GLIS3: variants seen among roughly 807,000 people sequenced by gnomAD.
The protein encoded by GLIS3 is GLIS family zinc finger 3.
A neutral mutation model predicts 78.6 loss-of-function variants in GLIS3; 53 were observed. That is an observed-to-expected ratio of 0.67 (90% CI 0.54 to 0.85). The LOEUF is 0.85. Ranked by LOEUF, GLIS3 falls within the 40% of genes least tolerant of loss-of-function variation. The probability of loss-of-function intolerance (pLI) is 0.00; values close to 1 mark genes in which losing one functional copy is unlikely to be tolerated. For synonymous variants in GLIS3, 684 were observed against 509.9 expected (o/e 1.34, Z -4.60); for missense variants, 1,703 against 1,231.1 (o/e 1.38, Z -5.74).
At chr9:3,956,366 T>C (rs551749244) in intron 4 of GLIS3, among the ~76,000 whole-genome samples, 2 of 152,342 alleles carry the variant, frequency 1.3e-5, no homozygotes, top group East Asian at 1.9e-4. Context: ...TTTGAGACTA[T>C]AGATGGTATC....
At chr9:3,857,753 T>G (rs1819883424) in intron 8 of GLIS3, among the ~76,000 whole-genome samples, 1 of 152,224 alleles carries the variant, frequency 6.6e-6, no homozygotes, top group African/African-American at 2.4e-5. Context: ...TAACTGGTAT[T>G]ACCCTGAAAA....
the GLIS3 span, among the ~76,000 whole-genome samples, chr9:4,420,278 G>A: frequency 2.6e-4 from 39 of 152,288 alleles, no homozygotes; most frequent in African/African-American, 8.9e-4. Flanking sequence ...AATAGGCCAG[G>A]AGTTTTAAGG....
At chr9:3,953,414 G>A (rs1816830101) in intron 4 of GLIS3, among the ~76,000 whole-genome samples, 1 of 152,096 alleles carries the variant, frequency 6.6e-6, no homozygotes, top group Admixed American at 6.5e-5. Flanking sequence ...CAGTTTCTAA[G>A]CCACTGTGGA....
chr9:3,839,819 G>C (rs1020354243), intron 9 of GLIS3, among the ~76,000 whole-genome samples: 4 of 152,200 alleles, frequency 2.6e-5, no homozygotes, highest in African/African-American at 4.8e-5. Context: ...ATTTTGGAAA[G>C]TGCAGATATT....
intron 4 of GLIS3, among the ~76,000 whole-genome samples, chr9:4,040,286 T>TAAAA (rs979901550): frequency 7.8e-6 from 1 of 128,476 alleles, no homozygotes; most frequent in Non-Finnish European, 1.6e-5. Context: ...CTTCACAAGG[T>TAAAA]AAAAAAAACA....
In GLIS3 at chr9:3,879,475, G is replaced by C. The variant is rs766185292; in HGVS notation, c.2249C>G (p.Pro750Arg). The C allele has an allele frequency of 1.7e-5, 27 of 1,614,036 alleles. No homozygotes were observed. The highest frequency in any genetic ancestry group is 2.2e-5 in the South Asian group (2 of 91,076). ...GHNVQGSPHNPSSQLPPLTAV... is the reference protein window; with the variant it reads ...GHNVQGSPHNRSSQLPPLTAV... Reference sequence around the variant, plus strand: ...TGTGAGTGGAGGTAACTGGGAGGAGGGGTTGTGAGGGCTCCCCTGTACATT... The same window carrying C: ...TGTGAGTGGAGGTAACTGGGAGGAGCGGTTGTGAGGGCTCCCCTGTACATT... Residue 750 changes from proline (P) to arginine (R), a missense_variant, in exon 8 of 11, where the codon CCC becomes CGC. Physicochemically the swap from Pro to Arg is moderately radical, Grantham distance 103. Coordinates refer to ENST00000381971, the MANE Select transcript of GLIS3 (RefSeq NM_001042413.2).
intron 1 of GLIS3, among the ~76,000 whole-genome samples, chr9:4,293,460 A>G (rs1427386274): frequency 6.6e-6 from 1 of 152,186 alleles, no homozygotes; most frequent in Non-Finnish European, 1.5e-5. Context: ...ATCCACAACA[A>G]TGACTAGGCC....
At chr9:4,356,650 C>T in the GLIS3 span, among the ~76,000 whole-genome samples, 1 of 152,164 alleles carries the variant, frequency 6.6e-6, no homozygotes, top group Non-Finnish European at 1.5e-5. Flanking sequence ...CAGAGTGCAT[C>T]AGATTTTACA....
At chr9:4,454,949 CTT>C in the GLIS3 span, among the ~76,000 whole-genome samples, 1 of 152,108 alleles carries the variant, frequency 6.6e-6, no homozygotes, top group Non-Finnish European at 1.5e-5. Context: ...CTTAATAACT[CTT>C]TTTTATTCTT....
In GLIS3 at chr9:4,314,268, G is replaced by A. The variant is rs1205697644; in HGVS notation, n.265-3740C>T. Among the ~76,000 whole-genome samples the A allele has an allele frequency of 2.6e-5, 4 of 152,036 alleles. No individual in the cohort carries two copies. In the East Asian group the frequency reaches 7.7e-4, roughly 29 times the overall value. On this transcript the variant is annotated intron_variant and non_coding_transcript_variant, in intron 2 of 4. Transcript: ENST00000471664. ...TTGTTTTTTATTAATGGCAGGATCA[G>A]AATTAGAATCAAGAACCCTTGACTT...
intron 2 of GLIS3, among the ~76,000 whole-genome samples, chr9:4,335,745 A>G (rs1817746544): frequency 6.6e-6 from 1 of 152,170 alleles, no homozygotes; most frequent in South Asian, 2.1e-4. Flanking sequence ...CCTTTCAAGA[A>G]GCCTCAGAAC....
At chr9:4,460,580 T>C in the GLIS3 span, among the ~76,000 whole-genome samples, 5 of 119,902 alleles carry the variant, frequency 4.2e-5, no homozygotes, top group Non-Finnish European at 8.0e-5. Flanking sequence ...AGTTTAAATA[T>C]GAGGAGCTCT....
chr9:4,416,819 T>TTG, the GLIS3 span, among the ~76,000 whole-genome samples: 1 of 142,812 alleles, frequency 7.0e-6, no homozygotes, highest in Non-Finnish European at 1.5e-5. Flanking sequence ...TCAGTTTTTT[T>TTG]TTTTTTTTTT....
At position 4,125,858 on chromosome 9, in the gene GLIS3, C is replaced by G. The variant is rs138251243; in HGVS notation, c.472G>C (p.Val158Leu). The change falls in exon 3 of 11, where the codon GTT becomes CTT. Residue 158 changes from valine (V) to leucine (L), a missense_variant. Val to Leu is a conservative substitution (Grantham distance 32). Transcript: ENST00000381971. ...NLVVTSSPMM[V>L]QRLGLISPPA... ...GGTGAAATGAGTCCCAGTCGCTGAA[C>G]CATCATGGGACTGCTGGTGACCACT... The G allele has an allele frequency of 6.2e-7, 1 of 1,613,826 alleles. No homozygotes were observed. Among genetic ancestry groups the G allele is most frequent in the East Asian group, 2.2e-5 (1 of 44,874 alleles).
chr9:4,270,888 G>GGTGTGTGTGT (rs148679668), intron 2 of GLIS3, among the ~76,000 whole-genome samples: 1 of 146,910 alleles, frequency 6.8e-6, no homozygotes, highest in Non-Finnish European at 1.5e-5. Context: ...CAATCTGTGT[G>GGTGTGTGTGT]GTGTGTGTGT....
At chr9:4,021,942 C>A (rs554217454) in intron 4 of GLIS3, among the ~76,000 whole-genome samples, 8 of 152,298 alleles carry the variant, frequency 5.3e-5, no homozygotes, top group African/African-American at 1.7e-4. Context: ...ACCAGACACA[C>A]ACAGTCACAA....
chr9:4,287,760 G>C (rs1388446806), intron 1 of GLIS3, among the ~76,000 whole-genome samples: 2 of 152,282 alleles, frequency 1.3e-5, no homozygotes, highest in African/African-American at 4.8e-5. Flanking sequence ...GGCTATCAAG[G>C]AGAAACACTT....
chr9:4,051,890 G>T (rs1245645924), intron 4 of GLIS3, among the ~76,000 whole-genome samples: 1 of 152,144 alleles, frequency 6.6e-6, no homozygotes, highest in Non-Finnish European at 1.5e-5. Flanking sequence ...AACAGTGGAA[G>T]GTACTAACGT....
chr9:4,137,037 T>C (rs560606902), intron 2 of GLIS3, among the ~76,000 whole-genome samples: 1 of 152,174 alleles, frequency 6.6e-6, no homozygotes, highest in South Asian at 2.1e-4. Context: ...CTGGAAGAGA[T>C]GGGGAGAAAG....
Sources: allele counts gnomAD v4.1 joint callset (sites outside exome capture counted in the v4.1 genomes callset), GRCh38; gene constraint gnomAD v4.1.1; transcripts MANE v1.5; gene names NCBI Gene and HGNC (gene_info 2026-07-23, HGNC 2026-07-21).